Variants in SYNE1 observed in about 807,000 individuals in gnomAD.
SYNE1 encodes the protein nesprin-1.
Under a neutral mutation model 1,111.0 loss-of-function variants are expected in SYNE1, and 616 were observed. The ratio of observed to expected loss-of-function variants is 0.55; its 90% CI spans 0.52 to 0.59. SYNE1 has a LOEUF of 0.59. SYNE1 is among the 20% of genes least tolerant of loss of function. SYNE1 has a pLI of 0.00. For synonymous variants in SYNE1, 3,855 were observed against 3,825.8 expected, an observed-to-expected ratio of 1.01 and a Z score of -0.28; for missense variants, 10,006 against 10,417.0, an observed-to-expected ratio of 0.96 and a Z score of 1.72.
At chr6:152,279,596 T>C (rs1303919171) in intron 97 of SYNE1, among the ~76,000 whole-genome samples, 2 of 151,730 alleles carry the variant, frequency 1.3e-5, no homozygotes, top group South Asian at 4.2e-4. Flanking sequence ...CACGTGCCTG[T>C]ACTCCCCGCA....
intron 6 of SYNE1, chr6:152,511,714 C>T (rs574093595): frequency 5.4e-5 from 53 of 988,158 alleles, no homozygotes; most frequent in African/African-American, 3.5e-4. Flanking sequence ...TGTGGTAATA[C>T]GTTTTAAAGA....
chr6:152,356,340 TA>T (rs1363721394), intron 66 of SYNE1, among the ~76,000 whole-genome samples: 6 of 151,590 alleles, frequency 4.0e-5, no homozygotes, highest in Non-Finnish European at 7.4e-5. Context: ...AGTTCATAAG[TA>T]ACCACTTTAT....
At chr6:152,141,529 G>A (rs1413690570) in intron 138 of SYNE1, among the ~76,000 whole-genome samples, 200 bp from the exon 139 acceptor site, 1 of 152,184 alleles carries the variant, frequency 6.6e-6, no homozygotes, top group Non-Finnish European at 1.5e-5. Flanking sequence ...GGCCGAGGAA[G>A]ATGGATTGTT....
chr6:152,599,301 T>A lies in SYNE1; in HGVS notation c.67+28964A>T, dbSNP rs1161976141. On this transcript the variant is annotated intron_variant, in intron 3 of 145. Coordinates refer to ENST00000367255, the MANE Select transcript of SYNE1 (RefSeq NM_182961.4). ...TGCTTGGAATACAGAGGAAGAATGC[T>A]CTTTGTGCAGTACTATTTGGATCTA... Among the ~76,000 whole-genome samples, 3 of 152,182 alleles carry A rather than the reference T, an allele frequency of 2.0e-5. No individual in the cohort carries two copies. The East Asian group carries it at 5.8e-4, about 29-fold the overall frequency.
At chr6:152,607,011 G>A (rs1331002066) in intron 3 of SYNE1, among the ~76,000 whole-genome samples, 6 of 115,060 alleles carry the variant, frequency 5.2e-5, no homozygotes, top group African/African-American at 2.2e-4. Context: ...TTGAGACGGC[G>A]TCTTGCTCTG....
intron 9 of SYNE1, among the ~76,000 whole-genome samples, chr6:152,502,971 A>G (rs1240388365): frequency 6.6e-6 from 1 of 152,216 alleles, no homozygotes; most frequent in Non-Finnish European, 1.5e-5. Flanking sequence ...ACAGCGTTTA[A>G]GAAAGTAGCA....
chr6:152,543,174 CT>C (rs1182570160), intron 3 of SYNE1, among the ~76,000 whole-genome samples: 1 of 151,934 alleles, frequency 6.6e-6, no homozygotes, highest in East Asian at 1.9e-4. Context: ...GCTAAATGGC[CT>C]TTTTTAGAAT....
intron 121 of SYNE1, among the ~76,000 whole-genome samples, chr6:152,215,573 C>T (rs186463063): frequency 6.6e-6 from 1 of 152,238 alleles, no homozygotes; most frequent in Non-Finnish European, 1.5e-5. Flanking sequence ...GACCTTACTT[C>T]TTACCATTTA....
At chr6:152,131,804 G>A (rs2055777903) in intron 144 of SYNE1, among the ~76,000 whole-genome samples, 1 of 152,214 alleles carries the variant, frequency 6.6e-6, no homozygotes, top group South Asian at 2.1e-4. Flanking sequence ...GGCAGCCATG[G>A]CTTGAAGAAA....
rs549227906 is a variant in SYNE1 at position 152,195,734 on chromosome 6, A to G, written c.23145+6090T>C. ...CAAGTACCCCTGTGGATCCCCCACC[A>G]CTACTGGAACTGTACTGGGTTAGGC... is the stretch of plus-strand genomic sequence containing the variant. On this transcript the variant is annotated intron_variant, in intron 127 of 145. Transcript: ENST00000367255. Among the ~76,000 whole-genome samples, 10 of 152,256 alleles carry G rather than the reference A, an allele frequency of 6.6e-5. No homozygotes were observed. In the South Asian group the frequency reaches 1.2e-3, roughly 19 times the overall value.
At chr6:152,316,393 G>C in intron 87 of SYNE1, 1 of 199,336 alleles carries the variant, frequency 5.0e-6, no homozygotes, top group Non-Finnish European at 1.0e-5. Flanking sequence ...TCATACAAAT[G>C]ATGAGAAGAC....
Position 152,234,064 on chromosome 6 carries a change from T to A in SYNE1, c.20530-101A>T, listed in dbSNP as rs774002262. Reference sequence around the variant, plus strand: ...GCATGAAACAATTTCCTTTACATCCTGGAGGGGGTTATGCTGAACACTCAA... The same window carrying A: ...GCATGAAACAATTTCCTTTACATCCAGGAGGGGGTTATGCTGAACACTCAA... On this transcript the variant is annotated intron_variant, in intron 111 of 145. Transcript: ENST00000367255. The A allele has an allele frequency of 9.8e-6, 12 of 1,222,464 alleles. No individual in the cohort carries two copies. The East Asian group carries it at 3.0e-4, about 31-fold the overall frequency. 75.7% of individuals were successfully genotyped at this position (1,222,464 alleles called of 1,614,324 possible).
chr6:152,435,244 C>T (rs1211104635), intron 33 of SYNE1: 1 of 152,020 alleles, frequency 6.6e-6, no homozygotes, highest in Non-Finnish European at 1.5e-5. Context: ...CATTGATTTG[C>T]CACTAAATTA....
chr6:152,277,588 C>A (rs1420639131), intron 98 of SYNE1: 3 of 188,460 alleles, frequency 1.6e-5, no homozygotes, highest in Non-Finnish European at 3.4e-5. Context: ...GCGCCCTGCC[C>A]ACATTCCTTT....
At chr6:152,626,648 G>A (rs1221736088) in intron 3 of SYNE1, among the ~76,000 whole-genome samples, 1 of 152,148 alleles carries the variant, frequency 6.6e-6, no homozygotes, top group East Asian at 1.9e-4. Context: ...GGCTCTTTCT[G>A]GCATGACATG....
At chr6:152,263,197 G>A (rs532701186) in intron 100 of SYNE1, among the ~76,000 whole-genome samples, 4 of 152,006 alleles carry the variant, frequency 2.6e-5, no homozygotes, top group Non-Finnish European at 5.9e-5. Flanking sequence ...ACAGGGCGTG[G>A]GAAGGTAGTG....
rs148558257 is a variant in SYNE1, at chr6:152,389,862, C to T, written c.8177+418G>A. On this transcript the variant is annotated intron_variant, in intron 53 of 145. Coordinates refer to ENST00000367255, the MANE Select transcript of SYNE1 (RefSeq NM_182961.4). ...ACACATTTCCTATAATGCAAATGGG[C>T]GTAGTATGACTTCTAGTTGAGGAAT... Among the ~76,000 whole-genome samples the T allele has an allele frequency of 3.3e-5, 5 of 152,242 alleles. No homozygotes were observed. In the East Asian group the frequency reaches 5.8e-4, roughly 18 times the overall value.
At chr6:152,180,490 C>T (rs540507707) in intron 128 of SYNE1, among the ~76,000 whole-genome samples, 196 bp from the exon 129 acceptor site, 2 of 152,244 alleles carry the variant, frequency 1.3e-5, no homozygotes, top group South Asian at 4.1e-4. Flanking sequence ...TGAAGATTCA[C>T]ATACACATTA....
chr6:152,380,207 C>G (rs990518885), intron 56 of SYNE1, among the ~76,000 whole-genome samples: 1 of 152,172 alleles, frequency 6.6e-6, no homozygotes, highest in African/African-American at 2.4e-5. Flanking sequence ...ACATGACTTT[C>G]TTACTGGCAG....
Sources: gnomAD v4.1 joint callset for allele counts (sites outside exome capture counted in the v4.1 genomes callset) on GRCh38, gnomAD v4.1.1 for gene constraint, MANE v1.5 for transcripts, NCBI Gene and HGNC (gene_info 2026-07-23, HGNC 2026-07-21) for gene names.